CSNK1D: variants seen among roughly 807,000 people sequenced by gnomAD.
CSNK1D encodes casein kinase I isoform delta.
CSNK1D carries 16 observed loss-of-function variants against 46.6 expected under a neutral mutation model. The ratio of observed to expected loss-of-function variants is 0.34; its 90% CI spans 0.23 to 0.52. The LOEUF (loss-of-function observed/expected upper bound fraction) is 0.52, where lower values mean the gene tolerates loss of function less well. CSNK1D is among the 20% of genes least tolerant of loss of function. The pLI, the probability that CSNK1D is intolerant of heterozygous loss-of-function variation, is 0.95. For synonymous variants in CSNK1D, 276 were observed against 228.2 expected (o/e 1.21, Z -1.89); for missense variants, 398 against 578.4 (o/e 0.69, Z 3.20).
chr17:82,249,292 C>T lies in CSNK1D; in HGVS notation c.1057+139G>A. On this transcript the variant is annotated intron_variant, in intron 7 of 8. Coordinates refer to ENST00000314028, the MANE Select transcript of CSNK1D (RefSeq NM_001893.6). This position sits in a 1 kb window ranked among gnomAD's most constrained non-coding sequence, Gnocchi z 6.7. ...CTAAAGGCGCCTGGGCAGCCTGGCTCATCCACCCTCAGGAGCGAGCATCGC... is the reference window on the plus strand; with the variant it reads ...CTAAAGGCGCCTGGGCAGCCTGGCTTATCCACCCTCAGGAGCGAGCATCGC... 1 of 973,892 alleles carries T rather than the reference C, an allele frequency of 1.0e-6. No individual in the cohort carries two copies. 60.3% of individuals were successfully genotyped at this position (973,892 alleles called of 1,614,324 possible).
chr17:82,244,936 G>A (rs117187144), intron 8 of CSNK1D, 105 bp from the exon 9 acceptor site: 120 of 1,472,330 alleles, frequency 8.2e-5, no homozygotes, highest in Non-Finnish European at 1.0e-4. Context: ...CACCGCCACC[G>A]CCTAGCCCCA....
chr17:82,241,187 G>A (rs904916394), downstream of CSNK1D, among the ~76,000 whole-genome samples: 1 of 152,228 alleles, frequency 6.6e-6, no homozygotes, highest in Non-Finnish European at 1.5e-5. Context: ...GGAGAAGGGA[G>A]GTGTCCGCCC....
At position 82,253,431 on chromosome 17, in the gene CSNK1D, CCA is replaced by C. The variant is rs2051065341; in HGVS notation, c.337-189_337-188del. ...TCCCCCAGGTGCCTGCAGCAACCCTCCACACTCCACCCTCCACAGGCCTAGGC... is the reference window on the plus strand; with the variant it reads ...TCCCCCAGGTGCCTGCAGCAACCCTCCACTCCACCCTCCACAGGCCTAGGC... On this transcript the variant is annotated intron_variant, in intron 3 of 8. Coordinates refer to ENST00000314028, the MANE Select transcript of CSNK1D (RefSeq NM_001893.6). 4 of 632,184 alleles carry C rather than the reference CCA, an allele frequency of 6.3e-6. No homozygotes were observed. In the East Asian group the frequency reaches 8.9e-5, roughly 14 times the overall value. The allele number at this position is 632,184 out of a possible 1,614,324, so 39.2% of individuals were successfully genotyped here. A position where few individuals can be genotyped will look rare whatever the true frequency, so the allele number is the denominator to read the frequency against.
chr17:82,251,405 C>G lies in CSNK1D; in HGVS notation c.859G>C (p.Val287Leu). 1 of 1,614,076 alleles carries G rather than the reference C, an allele frequency of 6.2e-7. No individual in the cohort carries two copies. ...FHRQGFSYDY[V>L]FDWNMLKFGA... ...AATTTGAGCATGTTCCAGTCGAACA[C>G]GTAGTCATAGGAGAAGCCCTGGCGA... Residue 287 changes from valine (V) to leucine (L), a missense_variant, in exon 6 of 9, where the codon GTG becomes CTG. Physicochemically the swap from Val to Leu is conservative, Grantham distance 32 (BLOSUM62 1). Coordinates refer to ENST00000314028, the MANE Select transcript of CSNK1D (RefSeq NM_001893.6). The surrounding 1 kb of genome is among the most constrained non-coding windows in gnomAD (Gnocchi z 4.5).
chr17:82,247,647 A>G, intron 8 of CSNK1D: 3 of 985,406 alleles, frequency 3.0e-6, no homozygotes, highest in Non-Finnish European at 3.6e-6. Context: ...ACTGATGCGC[A>G]AGTGCCAGGC....
At chr17:82,253,775 G>A (rs907427774) in intron 3 of CSNK1D, 194 of 317,448 alleles carry the variant, frequency 6.1e-4, no homozygotes, top group Non-Finnish European at 8.8e-4. Context: ...CTGAGCCGCC[G>A]GAGCCTCGAG....
In CSNK1D at chr17:82,250,332, C is replaced by A. The variant is rs1386514864; in HGVS notation, c.886-730G>T. ...GGCAACACACAGACCGACACACCTG[C>A]GGCTGCAGCACCGTGCGGCCAGCAC... is the stretch of plus-strand genomic sequence containing the variant. On this transcript the variant is annotated intron_variant, in intron 6 of 8. Transcript: ENST00000314028. This position sits in a 1 kb window ranked among gnomAD's most constrained non-coding sequence, Gnocchi z 4.6. The A allele has an allele frequency of 3.3e-6, 2 of 614,880 alleles. No individual in the cohort carries two copies. Among genetic ancestry groups the A allele is most frequent in the South Asian group, 3.3e-5 (2 of 61,140 alleles). 38.1% of individuals were successfully genotyped at this position (614,880 alleles called of 1,614,324 possible).
chr17:82,247,214 A>C (rs971063326), intron 8 of CSNK1D: 1 of 985,450 alleles, frequency 1.0e-6, no homozygotes, highest in Admixed American at 6.1e-5. Context: ...CTCATATGGA[A>C]AACGAGGGCC....
rs1046693656 is a variant in CSNK1D at position 82,243,514 on chromosome 17, G to A, written c.*1267C>T. 25 of 985,366 alleles carry A rather than the reference G, an allele frequency of 2.5e-5. No individual in the cohort carries two copies. The highest frequency in any genetic ancestry group is 2.5e-4 in the Admixed American group (4 of 16,258). 61.0% of individuals were successfully genotyped at this position (985,366 alleles called of 1,614,324 possible). On this transcript the variant is annotated 3_prime_UTR_variant, in exon 9 of 9. Transcript: ENST00000314028. Reference sequence around the variant, plus strand: ...GGCCACCTGCCTTCTGGTGGGACTCGGCCCCACGCACGCTGCTTCACTTCT... The same window carrying A: ...GGCCACCTGCCTTCTGGTGGGACTCAGCCCCACGCACGCTGCTTCACTTCT...
intron 2 of CSNK1D, among the ~76,000 whole-genome samples, chr17:82,262,431 C>T (rs115025605): frequency 0.013 from 1,925 of 152,330 alleles, 47 homozygotes; most frequent in African/African-American, 0.044. Flanking sequence ...GTTTTTAAGG[C>T]TCATTCTTCC....
rs749592544 is a variant in CSNK1D, at chr17:82,243,881, G to C, written c.*900C>G. 3.0e-6 allele frequency: 3 copies of C among 985,620 alleles called. No individual in the cohort carries two copies. The highest frequency in any genetic ancestry group is 2.4e-6 in the Non-Finnish European group (2 of 830,062). The allele number at this position is 985,620 out of a possible 1,614,324, so 61.1% of individuals were successfully genotyped here. A position where few individuals can be genotyped will look rare whatever the true frequency, so the allele number is the denominator to read the frequency against. On this transcript the variant is annotated 3_prime_UTR_variant, in exon 9 of 9. Transcript: ENST00000314028. ...GGACCAGAAACGCATCTTCCACCTTGAATCCTGGGACTCCCAATTGTCCTG... is the reference window on the plus strand; with the variant it reads ...GGACCAGAAACGCATCTTCCACCTTCAATCCTGGGACTCCCAATTGTCCTG...
intron 8 of CSNK1D, chr17:82,246,582 A>G (rs2050855545): frequency 9.7e-7 from 1 of 1,026,208 alleles, no homozygotes; most frequent in Non-Finnish European, 1.2e-6. Flanking sequence ...GAACACCAAC[A>G]GCCCGAAAAG....
chr17:82,253,268 G>T, intron 3 of CSNK1D, 24 bp from the exon 4 acceptor site: 14 of 1,591,342 alleles, frequency 8.8e-6, no homozygotes, highest in Non-Finnish European at 1.2e-5. Context: ...AAGGGCGCGA[G>T]ATGGCACCCC....
At position 82,251,078 on chromosome 17, in the gene CSNK1D, C is replaced by G. The variant is rs2050996037; in HGVS notation, c.885+301G>C. On this transcript the variant is annotated intron_variant, in intron 6 of 8. Coordinates refer to ENST00000314028, the MANE Select transcript of CSNK1D (RefSeq NM_001893.6). The surrounding 1 kb of genome is among the most constrained non-coding windows in gnomAD (Gnocchi z 4.5). The stretch of plus-strand genomic sequence containing the variant: ...CACCCCCAGCCCCCACCCTCTGCCC[C>G]CAGGGCATGCTCTGGGCCCTAGCTC... 3 of 425,436 alleles carry G rather than the reference C, an allele frequency of 7.1e-6. No individual in the cohort carries two copies. 26.4% of individuals were successfully genotyped at this position (425,436 alleles called of 1,614,324 possible). A position where few individuals can be genotyped will look rare whatever the true frequency, so the allele number is the denominator to read the frequency against.
At chr17:82,271,409 T>C (rs747181170) in intron 1 of CSNK1D, among the ~76,000 whole-genome samples, 10 of 152,234 alleles carry the variant, frequency 6.6e-5, no homozygotes, top group African/African-American at 9.6e-5. Context: ...AGGTGGCTAA[T>C]GGACTGGCTT....
chr17:82,272,965 C>T (rs1035673762), intron 1 of CSNK1D: 1 of 192,202 alleles, frequency 5.2e-6, no homozygotes, highest in Non-Finnish European at 1.1e-5. Flanking sequence ...CAGCCCTTCC[C>T]GAGTCCGCTC....
At position 82,252,869 on chromosome 17, in the gene CSNK1D, T is replaced by C; in HGVS notation, c.565+147A>G. ...CAGCATCCGCCTGCCCCCATACACC[T>C]GGCAGTCACGAGCCAGCCTGTCTGC... On this transcript the variant is annotated intron_variant, in intron 4 of 8. Transcript: ENST00000314028. This position sits in a 1 kb window ranked among gnomAD's most constrained non-coding sequence, Gnocchi z 4.6. 1 of 805,160 alleles carries C rather than the reference T, an allele frequency of 1.2e-6. No individual in the cohort carries two copies. The highest frequency in any genetic ancestry group is 2.1e-6 in the Non-Finnish European group (1 of 478,886). The allele number at this position is 805,160 out of a possible 1,614,324, so 49.9% of individuals were successfully genotyped here.
chr17:82,263,943 C>T (rs994921244), intron 2 of CSNK1D, among the ~76,000 whole-genome samples: 6 of 152,210 alleles, frequency 3.9e-5, no homozygotes, highest in African/African-American at 1.4e-4. Flanking sequence ...ATTTTTCATT[C>T]CTGTGGCCTC....
chr17:82,254,049 T>TG (rs2051089774), intron 3 of CSNK1D: 1 of 180,608 alleles, frequency 5.5e-6, no homozygotes, highest in African/African-American at 4.2e-5. Context: ...GAGAAGCCAG[T>TG]CAGCTGAGCC....
Sources: gnomAD v4.1 joint callset for allele counts (sites outside exome capture counted in the v4.1 genomes callset) on GRCh38, gnomAD v4.1.1 for gene constraint, Gnocchi (gnomAD v3.1) non-coding constraint, MANE v1.5 for transcripts, NCBI Gene and HGNC (gene_info 2026-07-23, HGNC 2026-07-21) for gene names.